SIPA1L3: variants seen among roughly 807,000 people sequenced by gnomAD.
SIPA1L3 encodes signal-induced proliferation-associated 1-like protein 3.
In SIPA1L3, 59 loss-of-function variants were observed where a neutral mutation model predicts 150.1. The ratio of observed to expected loss-of-function variants is 0.39; its 90% CI spans 0.32 to 0.49. The LOEUF is 0.49. Ranked by LOEUF, SIPA1L3 falls within the 20% of genes least tolerant of loss-of-function variation. The pLI, the probability that SIPA1L3 is intolerant of heterozygous loss-of-function variation, is 0.86. For synonymous variants in SIPA1L3, 1,070 were observed against 1,077.6 expected (o/e 0.99, Z 0.14); for missense variants, 2,211 against 2,489.5 (o/e 0.89, Z 2.38).
chr19:38,050,538 T>C (rs1969169906), intron 2 of SIPA1L3, among the ~76,000 whole-genome samples: 1 of 152,152 alleles, frequency 6.6e-6, no homozygotes, highest in Admixed American at 6.5e-5. Flanking sequence ...ATCACCGTCA[T>C]TATTATTGTT....
At chr19:37,928,511 G>T (rs2046526090) in intron 1 of SIPA1L3, among the ~76,000 whole-genome samples, 1 of 152,138 alleles carries the variant, frequency 6.6e-6, no homozygotes, top group South Asian at 2.1e-4. Flanking sequence ...GCTCTGAGAG[G>T]TTGCAGTGAG....
intron 1 of SIPA1L3, among the ~76,000 whole-genome samples, chr19:37,999,067 G>C (rs1327338003): frequency 6.6e-6 from 1 of 151,862 alleles, no homozygotes; most frequent in Admixed American, 6.6e-5. Flanking sequence ...CTGCGATCCT[G>C]CTGCCCACAG....
intron 1 of SIPA1L3, among the ~76,000 whole-genome samples, chr19:37,957,145 C>G (rs1230402737): frequency 6.6e-6 from 1 of 152,202 alleles, no homozygotes; most frequent in Non-Finnish European, 1.5e-5. Flanking sequence ...GTTTAAATGT[C>G]TATCCTACTG....
chr19:38,189,419 C>CCATGCCTGTGGTGGCTAGGT (rs1214137202), intron 16 of SIPA1L3, among the ~76,000 whole-genome samples: 1 of 152,108 alleles, frequency 6.6e-6, no homozygotes, highest in Non-Finnish European at 1.5e-5. Flanking sequence ...GCATGAGCCA[C>CCATGCCTGTGGTGGCTAGGT]CATGCCTGAC....
intron 8 of SIPA1L3, among the ~76,000 whole-genome samples, chr19:38,111,645 C>T (rs542078098): frequency 7.9e-5 from 12 of 152,300 alleles, no homozygotes; most frequent in East Asian, 1.9e-4. Context: ...CAGCCTGCAG[C>T]GCTGGTTGTC....
intron 4 of SIPA1L3, among the ~76,000 whole-genome samples, chr19:38,089,345 AAAG>A (rs1188979838): frequency 3.3e-5 from 5 of 151,780 alleles, no homozygotes; most frequent in African/African-American, 7.3e-5. Context: ...AAAAAAAAAA[AAAG>A]AAAAAAAAAA....
Position 37,967,935 on chromosome 19 carries a change from G to A in SIPA1L3, c.-379+60577G>A, listed in dbSNP as rs562587024. Among the ~76,000 whole-genome samples the A allele has an allele frequency of 1.1e-4, 17 of 150,864 alleles. No homozygotes were observed. In the East Asian group the frequency reaches 3.1e-3, roughly 27 times the overall value. ...CAGCCTCACAAAGTGTTGGGATTAC[G>A]GGAGTGAGCCCTGGCGCCCAGCCAC... On this transcript the variant is annotated intron_variant, in intron 1 of 21. Transcript: ENST00000222345.
intron 1 of SIPA1L3, among the ~76,000 whole-genome samples, chr19:37,941,706 C>A (rs895173206): frequency 6.6e-6 from 1 of 152,140 alleles, no homozygotes; most frequent in Non-Finnish European, 1.5e-5. Flanking sequence ...TTTCCCCTGT[C>A]GTGCATTGTC....
chr19:38,145,947 C>T lies in SIPA1L3; in HGVS notation c.3533+3237C>T, dbSNP rs181035359. 1.3e-5 allele frequency among the ~76,000 whole-genome samples: 2 copies of T among 152,154 alleles called. 1 individual carries two copies. The highest frequency in any genetic ancestry group is 4.8e-5 in the African/African-American group (2 of 41,508). ...ACGATCATATAGCTCACTGAAGCCT[C>T]ACTCTTCTGGGCCCAAGCAGTCCTC... On this transcript the variant is annotated intron_variant, in intron 12 of 21. Coordinates refer to ENST00000222345, the MANE Select transcript of SIPA1L3 (RefSeq NM_015073.3).
At chr19:38,054,459 T>C (rs1330411819) in intron 2 of SIPA1L3, among the ~76,000 whole-genome samples, 2 of 152,094 alleles carry the variant, frequency 1.3e-5, no homozygotes, top group African/African-American at 4.8e-5. Flanking sequence ...ATACAAAAAT[T>C]AGCGGATGTG....
chr19:38,033,430 A>G (rs1033857077), intron 2 of SIPA1L3, among the ~76,000 whole-genome samples: 3 of 152,118 alleles, frequency 2.0e-5, no homozygotes, highest in African/African-American at 7.2e-5. Context: ...GGCTCACTCT[A>G]TAATCCCAGC....
intron 2 of SIPA1L3, among the ~76,000 whole-genome samples, chr19:38,067,961 G>C (rs1969633303): frequency 6.6e-6 from 1 of 151,878 alleles, no homozygotes; most frequent in African/African-American, 2.4e-5. Flanking sequence ...CTCTGTAGTG[G>C]TCCCATGTAT....
At chr19:37,937,983 G>A (rs970161672) in intron 1 of SIPA1L3, among the ~76,000 whole-genome samples, 36 of 152,042 alleles carry the variant, frequency 2.4e-4, no homozygotes, top group African/African-American at 8.0e-4. Context: ...GGAGGCGGAG[G>A]TTGCAGTGAG....
At chr19:37,929,863 GTGTT>G (rs899323265) in intron 1 of SIPA1L3, among the ~76,000 whole-genome samples, 4 of 151,940 alleles carry the variant, frequency 2.6e-5, no homozygotes, top group African/African-American at 9.7e-5. Context: ...ATGTATGTAT[GTGTT>G]TGTTGTTTTT....
chr19:38,059,317 T>TC (rs1969398284), intron 2 of SIPA1L3, among the ~76,000 whole-genome samples: 1 of 148,414 alleles, frequency 6.7e-6, no homozygotes, highest in African/African-American at 2.5e-5. Flanking sequence ...TGAGATTTTT[T>TC]TTTTTTTTTT....
intron 13 of SIPA1L3, among the ~76,000 whole-genome samples, chr19:38,159,903 A>G (rs1463387242): frequency 6.6e-6 from 1 of 152,236 alleles, no homozygotes; most frequent in African/African-American, 2.4e-5. Flanking sequence ...TTGGGGTTAA[A>G]TCACCGGCGT....
intron 1 of SIPA1L3, among the ~76,000 whole-genome samples, chr19:37,951,622 GGC>G (rs1196723310): frequency 6.6e-6 from 1 of 152,142 alleles, no homozygotes; most frequent in Non-Finnish European, 1.5e-5. Context: ...CCCCGGGCCA[GGC>G]GCAGCGGCTC....
chr19:37,921,090 G>A (rs533275517), intron 1 of SIPA1L3, among the ~76,000 whole-genome samples: 3 of 152,310 alleles, frequency 2.0e-5, no homozygotes, highest in Admixed American at 6.5e-5. Context: ...CCACAGCACC[G>A]CGGCAGGAGG....
At chr19:38,161,760 A>G (rs1335370362) in intron 13 of SIPA1L3, among the ~76,000 whole-genome samples, 1 of 151,968 alleles carries the variant, frequency 6.6e-6, no homozygotes, top group Non-Finnish European at 1.5e-5. Flanking sequence ...ATAAATGGGT[A>G]AAGGAGGCTA....
Sources: allele counts gnomAD v4.1 joint callset (sites outside exome capture counted in the v4.1 genomes callset), GRCh38; gene constraint gnomAD v4.1.1; transcripts MANE v1.5; gene names NCBI Gene and HGNC (gene_info 2026-07-23, HGNC 2026-07-21).